HK3: variants seen among roughly 807,000 people sequenced by gnomAD.
HK3 encodes hexokinase-3.
Under a neutral mutation model 91.0 loss-of-function variants are expected in HK3, and 93 were observed. The ratio of observed to expected loss-of-function variants is 1.02; its 90% CI spans 0.86 to 1.21. The LOEUF (loss-of-function observed/expected upper bound fraction) is 1.21. Ranked by LOEUF, HK3 falls within the 50% of genes most tolerant of loss-of-function variation. The pLI is 0.00. For missense variants in HK3, 1,235 were observed against 1,247.4 expected (o/e 0.99, Z 0.15); for synonymous variants, 519 against 516.9 (o/e 1.00, Z -0.06).
intron 15 of HK3, among the ~76,000 whole-genome samples, chr5:176,882,372 C>A (rs1758460517): frequency 6.6e-6 from 1 of 152,234 alleles, no homozygotes; most frequent in Non-Finnish European, 1.5e-5. Context: ...CACCATGCCA[C>A]CCCCAAGTGC....
chr5:176,891,465 G>A lies in HK3; in HGVS notation c.182C>T (p.Ala61Val), dbSNP rs199825511. 8.8e-5 allele frequency: 142 copies of A among 1,614,122 alleles called. No homozygotes were observed. The highest frequency in any genetic ancestry group is 6.5e-4 in the African/African-American group (49 of 75,050). ...QASLLGSMEQ[A>V]LRGQASPAPA... ...GGCAGGGCTGGCCTGTCCCCTCAGC[G>A]CCTGCTCCATGGAACCCAAGAGGCT... Residue 61 changes from alanine (A) to valine (V), a missense_variant, in exon 3 of 19, where the codon GCG (alanine) becomes GTG (valine). Coordinates refer to ENST00000292432, the MANE Select transcript of HK3 (RefSeq NM_002115.3).
chr5:176,894,408 TG>T (rs1336254377), intron 2 of HK3, among the ~76,000 whole-genome samples: 1 of 151,920 alleles, frequency 6.6e-6, no homozygotes, highest in African/African-American at 2.4e-5. Context: ...CAACCGCAGG[TG>T]TATGTGATGG....
Position 176,891,205 on chromosome 5 carries a change from A to T in HK3, c.260-14T>A, listed in dbSNP as rs1355537716. Reference sequence around the variant, plus strand: ...AGTCTCCTTGCTCTGGAGGGCAAGCAGGTCACAGAAAGCCATGCAGCTGGC... The same window carrying T: ...AGTCTCCTTGCTCTGGAGGGCAAGCTGGTCACAGAAAGCCATGCAGCTGGC... On this transcript the variant is annotated splice_polypyrimidine_tract_variant and intron_variant, in intron 3 of 18. Coordinates refer to ENST00000292432, the MANE Select transcript of HK3 (RefSeq NM_002115.3). The T allele has an allele frequency of 6.2e-7, 1 of 1,613,982 alleles. No individual in the cohort carries two copies. Among genetic ancestry groups the T allele is most frequent in the Non-Finnish European group, 8.5e-7 (1 of 1,180,058 alleles).
chr5:176,880,956 G>T lies in HK3; in HGVS notation c.*117C>A. ...GAGCAAGGCCAAATGGCCGCAGAGGGGTCACACATGGGATGTCCCAGGAGT... is the reference window on the plus strand; with the variant it reads ...GAGCAAGGCCAAATGGCCGCAGAGGTGTCACACATGGGATGTCCCAGGAGT... On this transcript the variant is annotated 3_prime_UTR_variant, in exon 19 of 19. Coordinates refer to ENST00000292432, the MANE Select transcript of HK3 (RefSeq NM_002115.3). 1 of 1,188,958 alleles carries T rather than the reference G, an allele frequency of 8.4e-7. No individual in the cohort carries two copies. Among genetic ancestry groups the T allele is most frequent in the Non-Finnish European group, 1.1e-6 (1 of 874,420 alleles). 73.7% of individuals were successfully genotyped at this position (1,188,958 alleles called of 1,614,324 possible).
intron 13 of HK3, 36 bp downstream of exon 13, chr5:176,886,966 G>A (rs1480286222): frequency 1.2e-5 from 20 of 1,612,090 alleles, no homozygotes; most frequent in Non-Finnish European, 1.7e-5. Context: ...GGGGGCAGGA[G>A]GCCCTTGGGA....
intron 2 of HK3, among the ~76,000 whole-genome samples, chr5:176,895,161 C>A (rs549555044): frequency 6.6e-6 from 1 of 150,828 alleles, no homozygotes; most frequent in South Asian, 2.1e-4. Context: ...TCACTGCAAC[C>A]TCTGCCTCCC....
At chr5:176,881,240 A>T (rs2149372393) in intron 18 of HK3, 23 bp from the exon 19 acceptor site, 1 of 1,613,094 alleles carries the variant, frequency 6.2e-7, no homozygotes, top group East Asian at 2.2e-5. Context: ...GGCTGAGGTG[A>T]GCCCAGGCCA....
chr5:176,888,002 A>G (rs1004934377), intron 10 of HK3, among the ~76,000 whole-genome samples: 2 of 152,080 alleles, frequency 1.3e-5, no homozygotes, highest in South Asian at 2.1e-4. Context: ...CCAGGCTCCA[A>G]TGATCCTCCC....
intron 15 of HK3, among the ~76,000 whole-genome samples, chr5:176,882,881 G>A (rs1286404815): frequency 1.3e-5 from 2 of 152,136 alleles, no homozygotes; most frequent in Non-Finnish European, 2.9e-5. Flanking sequence ...ACAGCAACCT[G>A]GGCATGCCTC....
At chr5:176,890,579 T>TGTGCCAGGCCCAGGCCAACATGGGCA in intron 6 of HK3, 56 bp downstream of exon 6, 1 of 1,473,664 alleles carries the variant, frequency 6.8e-7, no homozygotes, top group Non-Finnish European at 9.5e-7. Context: ...CCAACGCATG[T>TGTGCCAGGCCCAGGCCAACATGGGCA]GTGCCAGGCC....
At position 176,884,147 on chromosome 5, in the gene HK3, C is replaced by G. The variant is rs201716205; in HGVS notation, c.1858-13G>C. Reference sequence around the variant, plus strand: ...TCAGGAGGATGCCCTGGGGTGAGACCGAGAGGAAGTGGCAGGAAGCTGGAG... The same window carrying G: ...TCAGGAGGATGCCCTGGGGTGAGACGGAGAGGAAGTGGCAGGAAGCTGGAG... On this transcript the variant is annotated splice_polypyrimidine_tract_variant and intron_variant, in intron 13 of 18. Coordinates refer to ENST00000292432, the MANE Select transcript of HK3 (RefSeq NM_002115.3). This position sits in a 1 kb window ranked among gnomAD's most constrained non-coding sequence, Gnocchi z 4.1. 1.1e-5 allele frequency: 18 copies of G among 1,611,562 alleles called. No homozygotes were observed. In the East Asian group the frequency reaches 3.6e-4, roughly 32 times the overall value.
At chr5:176,888,682 C>G (rs1165096519) in intron 9 of HK3, 27 bp downstream of exon 9, 2 of 1,614,092 alleles carry the variant, frequency 1.2e-6, no homozygotes, top group East Asian at 2.2e-5. Context: ...AAGAATCCCC[C>G]ACTAAACCAC....
At position 176,890,712 on chromosome 5, in the gene HK3, T is replaced by A. The variant is rs1561683757; in HGVS notation, c.553A>T (p.Thr185Ser). Residue 185 changes from threonine (T) to serine (S), a missense_variant, in exon 6 of 19, where the codon ACC becomes TCC. Physicochemically the swap from Thr to Ser is moderately conservative, Grantham distance 58 (BLOSUM62 1). Transcript: ENST00000292432. ...GLDRSTLISW[T>S]KGFRCSGVEG... The stretch of plus-strand genomic sequence containing the variant: ...ACACCACTGCACCTAAAACCTTTGG[T>A]CCAGGAAATGAGGGTGCTCTGGAGG... The A allele has an allele frequency of 5.6e-6, 9 of 1,614,110 alleles. No individual in the cohort carries two copies. Among genetic ancestry groups the A allele is most frequent in the Admixed American group, 3.3e-5 (2 of 60,018 alleles).
In HK3 at chr5:176,890,669, A is replaced by T; in HGVS notation, c.596T>A (p.Val199Asp). 2 of 1,614,108 alleles carry T rather than the reference A, an allele frequency of 1.2e-6. No homozygotes were observed. Among genetic ancestry groups the T allele is most frequent in the Non-Finnish European group, 1.7e-6 (2 of 1,179,976 alleles). Residue 199 changes from valine (V) to aspartate (D), a missense_variant, in exon 6 of 19, where the codon GTC (valine) becomes GAC (aspartate). Physicochemically the swap from Val to Asp is radical, Grantham distance 152. Around this residue, in one of 3 missense-constraint regions of HK3, gnomAD observed 717 missense variants for 751.6 expected, o/e 0.95. Coordinates refer to ENST00000292432, the MANE Select transcript of HK3 (RefSeq NM_002115.3). ...RCSGVEGQDVVQLLRDAIRRQ... is the reference protein window; with the variant it reads ...RCSGVEGQDVDQLLRDAIRRQ... ...CCGAATGGCATCTCTCAGCAGCTGG[A>T]CCACATCCTGGCCTTCCACACCACT...
rs1758523172 is a variant in HK3, at chr5:176,884,223, T to C, written c.1858-89A>G. ...GCAAAACCTGCATCCATCACAAGCC[T>C]AGGCTTTCCACCCTCCCCAAGCACA... On this transcript the variant is annotated intron_variant, in intron 13 of 18. Coordinates refer to ENST00000292432, the MANE Select transcript of HK3 (RefSeq NM_002115.3). This position sits in a 1 kb window ranked among gnomAD's most constrained non-coding sequence, Gnocchi z 4.1. The C allele has an allele frequency of 9.2e-7, 1 of 1,092,036 alleles. No individual in the cohort carries two copies. Among genetic ancestry groups the C allele is most frequent in the Non-Finnish European group, 1.4e-6 (1 of 710,198 alleles). 67.6% of individuals were successfully genotyped at this position (1,092,036 alleles called of 1,614,324 possible).
chr5:176,887,204 C>T lies in HK3; in HGVS notation c.1734G>A (p.Gln578=). The T allele has an allele frequency of 6.2e-7, 1 of 1,614,202 alleles. No individual in the cohort carries two copies. Among genetic ancestry groups the T allele is most frequent in the Middle Eastern group, 1.6e-4 (1 of 6,062 alleles). ...TCAAGGTTCAGGCTGTGGGTACCTGCTGCCCAGAACCCTGGGCCACAGTCT... is the reference window on the plus strand; with the variant it reads ...TCAAGGTTCAGGCTGTGGGTACCTGTTGCCCAGAACCCTGGGCCACAGTCT... ...IPETVAQGSG[Q]QLFDHIVDCI... The change falls in exon 12 of 19, where the codon CAG becomes CAA. Residue 578 remains glutamine, a synonymous_variant. Coordinates refer to ENST00000292432, the MANE Select transcript of HK3 (RefSeq NM_002115.3). This position sits in a 1 kb window ranked among gnomAD's most constrained non-coding sequence, Gnocchi z 4.9.
In HK3 at chr5:176,881,742, G is replaced by C. The variant is rs746114664; in HGVS notation, c.2343C>G (p.Arg781=). 1.2e-6 allele frequency: 2 copies of C among 1,614,046 alleles called. No homozygotes were observed. The highest frequency in any genetic ancestry group is 1.7e-6 in the Non-Finnish European group (2 of 1,180,048). The part of the protein sequence containing the change: ...GVLFRGQQIQ[R]LQTRDIFKTK... ...TCTTGAAGATGTCCCTGGTCTGAAG[G>C]CGCTGGATCTGCTGGCCCCGGAAGA... The change falls in exon 17 of 19, where the codon CGC becomes CGG. Residue 781 remains arginine (R), a synonymous_variant. Coordinates refer to ENST00000292432, the MANE Select transcript of HK3 (RefSeq NM_002115.3).
At position 176,882,102 on chromosome 5, in the gene HK3, C is replaced by G; in HGVS notation, c.2079G>C (p.Met693Ile). ...CGCCCGCCACATTCCGGAGCTCCTCCATGTAGCAGGCATTGGTGCCGGTTC... is the reference window on the plus strand; with the variant it reads ...CGCCCGCCACATTCCGGAGCTCCTCGATGTAGCAGGCATTGGTGCCGGTTC... Reference protein sequence around the residue: ...IVGTGTNACYMEELRNVAGVP... With the variant: ...IVGTGTNACYIEELRNVAGVP... The change falls in exon 16 of 19, where the codon ATG becomes ATC. Residue 693 changes from methionine (M) to isoleucine (I), a missense_variant. Met to Ile is a conservative substitution (Grantham distance 10). Coordinates refer to ENST00000292432, the MANE Select transcript of HK3 (RefSeq NM_002115.3). 1 of 1,613,146 alleles carries G rather than the reference C, an allele frequency of 6.2e-7. No homozygotes were observed. The highest frequency in any genetic ancestry group is 1.6e-4 in the Middle Eastern group (1 of 6,062).
At chr5:176,889,806 G>A (rs1057166029) in intron 6 of HK3, 62 bp from the exon 7 acceptor site, 10 of 1,413,166 alleles carry the variant, frequency 7.1e-6, no homozygotes, top group African/African-American at 4.2e-5. Flanking sequence ...GGAATCCAGG[G>A]GATGGGCAGG....
Sources: gnomAD v4.1 joint callset for allele counts (sites outside exome capture counted in the v4.1 genomes callset) on GRCh38, gnomAD v4.1.1 for gene constraint, gnomAD v4.1.1 regional missense constraint, Gnocchi (gnomAD v3.1) non-coding constraint, MANE v1.5 for transcripts, NCBI Gene and HGNC (gene_info 2026-07-23, HGNC 2026-07-21) for gene names.